APBA1: variants seen among roughly 807,000 people sequenced by gnomAD.
APBA1 encodes the protein amyloid beta precursor protein binding family A member 1.
APBA1 carries 55 observed loss-of-function variants against 86.6 expected under a neutral mutation model. The ratio of observed to expected loss-of-function variants is 0.64; its 90% CI spans 0.51 to 0.80. The LOEUF is 0.80. APBA1 is among the 30% of genes least tolerant of loss of function. The probability of loss-of-function intolerance (pLI) is 0.00; values close to 1 mark genes in which losing one functional copy is unlikely to be tolerated. For synonymous variants in APBA1, 511 were observed against 493.9 expected (o/e 1.03, Z -0.46); for missense variants, 1,090 against 1,183.0 (o/e 0.92, Z 1.15).
intron 1 of APBA1, among the ~76,000 whole-genome samples, chr9:69,555,978 A>T (rs1041945186): frequency 7.9e-5 from 12 of 152,200 alleles, no homozygotes; most frequent in Non-Finnish European, 1.5e-4. Flanking sequence ...CCTAAAACTG[A>T]TCAACCCCAA....
chr9:69,550,125 T>C (rs1836761814), intron 1 of APBA1, among the ~76,000 whole-genome samples: 1 of 152,254 alleles, frequency 6.6e-6, no homozygotes, highest in African/African-American at 2.4e-5. Flanking sequence ...ATCTTTTGGT[T>C]CATGATATAT....
At chr9:69,489,173 T>C (rs1464167136) in intron 2 of APBA1, among the ~76,000 whole-genome samples, 1 of 152,048 alleles carries the variant, frequency 6.6e-6, no homozygotes, top group East Asian at 1.9e-4. Context: ...ATTGCCAAGA[T>C]AATCCTAAGC....
intron 1 of APBA1, among the ~76,000 whole-genome samples, chr9:69,658,286 C>CTTTT (rs770180947): frequency 1.3e-5 from 1 of 74,182 alleles, no homozygotes; most frequent in South Asian, 4.7e-4. Context: ...CTTTCTTTCT[C>CTTTT]TCTCTCTTTC....
chr9:69,453,273 A>G (rs1422297504), intron 8 of APBA1, among the ~76,000 whole-genome samples: 1 of 152,152 alleles, frequency 6.6e-6, no homozygotes, highest in Non-Finnish European at 1.5e-5. Context: ...TATTTATTGT[A>G]GAAAGGGAGG....
chr9:69,596,323 T>C (rs1174664590), intron 1 of APBA1, among the ~76,000 whole-genome samples: 1 of 152,160 alleles, frequency 6.6e-6, no homozygotes, highest in Admixed American at 6.5e-5. Context: ...TCTGCTGATA[T>C]TTTTCTTTTA....
At chr9:69,443,276 T>C (rs530904190) in intron 10 of APBA1, among the ~76,000 whole-genome samples, 65 of 152,296 alleles carry the variant, frequency 4.3e-4, no homozygotes, top group African/African-American at 1.5e-3. Flanking sequence ...GCACGCTCAA[T>C]TTTGCGAACA....
chr9:69,666,710 A>C (rs1823847009), intron 1 of APBA1, among the ~76,000 whole-genome samples: 1 of 152,236 alleles, frequency 6.6e-6, no homozygotes, highest in African/African-American at 2.4e-5. Flanking sequence ...TAACTCAAGG[A>C]TCTAAAGGGT....
At chr9:69,542,746 A>C (rs1588352317) in intron 1 of APBA1, among the ~76,000 whole-genome samples, 1 of 152,348 alleles carries the variant, frequency 6.6e-6, no homozygotes, top group East Asian at 1.9e-4. Flanking sequence ...ATTATGTTTA[A>C]TGCCCCCTTT....
chr9:69,450,056 GTTTTTTTTTT>G (rs58417611), intron 9 of APBA1, among the ~76,000 whole-genome samples: 7 of 94,154 alleles, frequency 7.4e-5, no homozygotes, highest in East Asian at 6.7e-4. Context: ...AGGACCACCA[GTTTTTTTTTT>G]TTTTTTTTTT....
chr9:69,439,480 T>C (rs541958527), intron 11 of APBA1, among the ~76,000 whole-genome samples: 2 of 150,880 alleles, frequency 1.3e-5, no homozygotes, highest in South Asian at 4.2e-4. Flanking sequence ...TTCCTATCTA[T>C]CTATCTTTTT....
At position 69,441,034 on chromosome 9, in the gene APBA1, G is replaced by A. The variant is rs770954532; in HGVS notation, c.2263C>T (p.Leu755Phe). Reference protein sequence around the residue: ...VTTVLIRRPDLRYQLGFSVQN... With the variant: ...VTTVLIRRPDFRYQLGFSVQN... ...ACGCTGAAACCGAGCTGGTAGCGAA[G>A]GTCTGGTCTTCTGATTAACACGGTG... Residue 755 changes from leucine to phenylalanine, a missense_variant, in exon 11 of 13, where the codon CTT becomes TTT. Leu to Phe is a conservative substitution (Grantham distance 22, BLOSUM62 0). Transcript: ENST00000265381. 3 of 1,614,066 alleles carry A rather than the reference G, an allele frequency of 1.9e-6. No homozygotes were observed. Among genetic ancestry groups the A allele is most frequent in the South Asian group, 2.2e-5 (2 of 91,076 alleles).
chr9:69,470,731 C>T (rs988228586), intron 4 of APBA1, among the ~76,000 whole-genome samples: 1 of 152,176 alleles, frequency 6.6e-6, no homozygotes, highest in Admixed American at 6.5e-5. Context: ...GTTCTCTGGC[C>T]TCCAGAAAAG....
At chr9:69,532,458 C>T (rs1196339924) in intron 1 of APBA1, among the ~76,000 whole-genome samples, 1 of 152,200 alleles carries the variant, frequency 6.6e-6, no homozygotes, top group African/African-American at 2.4e-5. Context: ...TCCCGACCAC[C>T]TGGCACAAAT....
At chr9:69,515,168 GAC>G (rs1836115501) in intron 2 of APBA1, among the ~76,000 whole-genome samples, 2 of 152,166 alleles carry the variant, frequency 1.3e-5, no homozygotes, top group Admixed American at 6.5e-5. Context: ...CTTCTTTTCT[GAC>G]ACAGAGCAGG....
chr9:69,520,305 A>G (rs567632174), intron 1 of APBA1, among the ~76,000 whole-genome samples: 2 of 152,306 alleles, frequency 1.3e-5, no homozygotes, highest in African/African-American at 4.8e-5. Context: ...TAAAAATCCT[A>G]GGTTATTGTG....
At chr9:69,432,408 G>T in intron 12 of APBA1, 128 bp downstream of exon 12, 1 of 895,774 alleles carries the variant, frequency 1.1e-6, no homozygotes, top group Non-Finnish European at 1.5e-6. Flanking sequence ...TCTGCTTGTT[G>T]GGGAGTGTTC....
intron 1 of APBA1, among the ~76,000 whole-genome samples, chr9:69,634,025 C>A (rs939315401): frequency 6.6e-5 from 10 of 152,272 alleles, no homozygotes; most frequent in African/African-American, 1.9e-4. Context: ...TGCAGGAACA[C>A]CAAATTGAAC....
chr9:69,440,867 G>T, intron 11 of APBA1, 129 bp downstream of exon 11: 2 of 1,200,358 alleles, frequency 1.7e-6, no homozygotes, highest in South Asian at 1.4e-5. Flanking sequence ...CCCGTCTTCT[G>T]CATCACTCAC....
intron 10 of APBA1, among the ~76,000 whole-genome samples, chr9:69,447,184 G>T (rs1440030745): frequency 2.6e-5 from 4 of 152,040 alleles, no homozygotes; most frequent in Admixed American, 2.6e-4. Context: ...CTTCCTAAAG[G>T]CTCCACCTCC....
Sources: allele counts gnomAD v4.1 joint callset (sites outside exome capture counted in the v4.1 genomes callset), GRCh38; gene constraint gnomAD v4.1.1; transcripts MANE v1.5; gene names NCBI Gene and HGNC (gene_info 2026-07-23, HGNC 2026-07-21).